Variants in RBFOX1 observed in about 807,000 individuals in gnomAD.
The protein encoded by RBFOX1 is RNA binding fox-1 homolog 1.
Under a neutral mutation model 57.7 loss-of-function variants are expected in RBFOX1, and 8 were observed. That is an observed-to-expected ratio of 0.14 (90% CI 0.08 to 0.25). RBFOX1 has a LOEUF of 0.25. Among genes scored for constraint, RBFOX1 ranks in the 10% least tolerant of loss-of-function variants. The probability of loss-of-function intolerance (pLI) is 1.00; values close to 1 mark genes in which losing one functional copy is unlikely to be tolerated. For synonymous variants in RBFOX1, 326 were observed against 222.4 expected (o/e 1.47, Z -4.15); for missense variants, 611 against 548.5 (o/e 1.11, Z -1.14).
chr16:6,693,354 C>T (rs1022733302), intron 3 of RBFOX1, among the ~76,000 whole-genome samples: 16 of 151,322 alleles, frequency 1.1e-4, no homozygotes, highest in African/African-American at 2.7e-4. Context: ...CTAGCATCAC[C>T]GCCATCATCA....
intron 3 of RBFOX1, among the ~76,000 whole-genome samples, chr16:6,859,512 C>T (rs1265859625): frequency 2.0e-5 from 3 of 151,862 alleles, no homozygotes; most frequent in Non-Finnish European, 4.4e-5. Context: ...TGCCCATGGA[C>T]CTGCAAATTT....
intron 3 of RBFOX1, among the ~76,000 whole-genome samples, chr16:6,905,124 T>C (rs796398271): frequency 6.6e-6 from 1 of 152,190 alleles, no homozygotes; most frequent in Non-Finnish European, 1.5e-5. Flanking sequence ...AAAGACTGTT[T>C]TGCAGCATTA....
chr16:5,647,775 G>C (rs73512404), intron 3 of RBFOX1, among the ~76,000 whole-genome samples: 4,736 of 152,250 alleles, frequency 0.031, 237 homozygotes, highest in African/African-American at 0.11. Flanking sequence ...AAGTTTCCCG[G>C]AACAGATTCT....
In RBFOX1 at chr16:5,282,151, GT is replaced by G. The variant is rs905368549; in HGVS notation, c.219+42049del. Among the ~76,000 whole-genome samples, 116 of 152,298 alleles carry G rather than the reference GT, an allele frequency of 7.6e-4. 1 individual carries two copies. The highest frequency in any genetic ancestry group is 2.5e-3 in the African/African-American group (105 of 41,558). ...GATCTGAGAGGTTTTAAAAGGAGGA[GT>G]TTCCCTGCTCAAGCTCTCTCTTTGC... is the stretch of plus-strand genomic sequence containing the variant. On this transcript the variant is annotated intron_variant, in intron 1 of 2. Transcript: ENST00000585867.
intron 3 of RBFOX1, among the ~76,000 whole-genome samples, chr16:7,034,828 TTTTTTTTTTTTTCTTTTTTC>T (rs1568465018): frequency 2.6e-5 from 1 of 37,974 alleles, no homozygotes; most frequent in African/African-American, 6.9e-5. Flanking sequence ...ATTGCATTAC[TTTTTTTTTTTTTCTTTTTTC>T]TTTTTTTTTT....
At chr16:7,122,851 G>A (rs982795326) in intron 4 of RBFOX1, among the ~76,000 whole-genome samples, 7 of 152,120 alleles carry the variant, frequency 4.6e-5, no homozygotes, top group African/African-American at 1.7e-4. Flanking sequence ...TGTACACGTG[G>A]AATACTACTG....
At chr16:5,582,919 T>TA (rs887832406) in intron 2 of RBFOX1, among the ~76,000 whole-genome samples, 1 of 152,204 alleles carries the variant, frequency 6.6e-6, no homozygotes, top group African/African-American at 2.4e-5. Flanking sequence ...TGAGATGAGC[T>TA]AAAAATCAGT....
chr16:5,319,439 T>A (rs1411322985), intron 1 of RBFOX1, among the ~76,000 whole-genome samples: 1 of 152,156 alleles, frequency 6.6e-6, no homozygotes, highest in East Asian at 1.9e-4. Flanking sequence ...TCCCTTCTTT[T>A]CCAGCCATAG....
intron 3 of RBFOX1, among the ~76,000 whole-genome samples, chr16:6,914,999 G>A (rs1312174228): frequency 6.6e-6 from 1 of 152,254 alleles, no homozygotes; most frequent in East Asian, 1.9e-4. Context: ...TTGCCAGGCA[G>A]CAAGCAGGCC....
chr16:5,454,593 A>C (rs1347520864), intron 1 of RBFOX1, among the ~76,000 whole-genome samples: 5 of 152,190 alleles, frequency 3.3e-5, no homozygotes, highest in Non-Finnish European at 7.3e-5. Flanking sequence ...AGCAAGAGGG[A>C]ATTCTGCAGT....
intron 3 of RBFOX1, among the ~76,000 whole-genome samples, chr16:5,841,299 C>A (rs941839384): frequency 6.6e-6 from 1 of 152,192 alleles, no homozygotes; most frequent in Non-Finnish European, 1.5e-5. Context: ...AGGATTTGAA[C>A]CCACACAGCT....
At chr16:7,371,414 G>C (rs1022404080) in intron 4 of RBFOX1, among the ~76,000 whole-genome samples, 2 of 152,150 alleles carry the variant, frequency 1.3e-5, no homozygotes, top group African/African-American at 2.4e-5. Context: ...ATCAGTATCA[G>C]CGGCCATTAG....
At chr16:6,492,208 G>C (rs1011525976) in intron 2 of RBFOX1, among the ~76,000 whole-genome samples, 5 of 152,164 alleles carry the variant, frequency 3.3e-5, no homozygotes, top group Admixed American at 2.6e-4. Flanking sequence ...TGATGAAACA[G>C]GCATTTTATA....
chr16:7,629,800 GGCAAGTCATT>G (rs2060644512), intron 10 of RBFOX1, among the ~76,000 whole-genome samples: 1 of 152,192 alleles, frequency 6.6e-6, no homozygotes, highest in Admixed American at 6.5e-5. Context: ...ATCAGGAGGA[GGCAAGTCATT>G]GCTGCAATGC....
intron 4 of RBFOX1, among the ~76,000 whole-genome samples, chr16:7,274,858 T>C (rs1567992144): frequency 6.6e-6 from 1 of 152,016 alleles, no homozygotes; most frequent in Non-Finnish European, 1.5e-5. Context: ...CTGATTTTTA[T>C]ATTTTTAGTA....
chr16:6,825,403 C>T (rs7190693), intron 3 of RBFOX1, among the ~76,000 whole-genome samples: 104,326 of 151,678 alleles, frequency 0.69, 36,292 homozygotes, highest in East Asian at 0.85. Flanking sequence ...AACGGAAAAG[C>T]CAGAGATTAT....
chr16:6,691,048 A>G (rs548995358), intron 3 of RBFOX1, among the ~76,000 whole-genome samples: 16 of 152,276 alleles, frequency 1.1e-4, no homozygotes, highest in Non-Finnish European at 1.8e-4. Flanking sequence ...TTCATGTTAC[A>G]TCATGTTCCT....
At chr16:6,103,770 C>T (rs549092234) in intron 1 of RBFOX1, among the ~76,000 whole-genome samples, 3 of 152,250 alleles carry the variant, frequency 2.0e-5, no homozygotes, top group Non-Finnish European at 4.4e-5. Context: ...GTCATGTGAC[C>T]TCCATTTCAC....
Position 6,561,966 on chromosome 16 carries a change from A to G in RBFOX1, c.-63-92637A>G, listed in dbSNP as rs1302856819. On this transcript the variant is annotated intron_variant, in intron 2 of 15. Transcript: ENST00000550418. The stretch of plus-strand genomic sequence containing the variant: ...AAAGCTAACCACATTCACATCATCC[A>G]CCTAGATCTGTTATACAGGAACAAA... Among the ~76,000 whole-genome samples the G allele has an allele frequency of 1.3e-5, 2 of 152,302 alleles. 1 individual carries two copies. Among genetic ancestry groups the G allele is most frequent in the South Asian group, 4.1e-4 (2 of 4,824 alleles).
Sources: allele counts gnomAD v4.1 joint callset (sites outside exome capture counted in the v4.1 genomes callset), GRCh38; gene constraint gnomAD v4.1.1; transcripts MANE v1.5; gene names NCBI Gene and HGNC (gene_info 2026-07-23, HGNC 2026-07-21).